Variants in WSB1 observed in about 807,000 individuals in gnomAD.
The protein encoded by WSB1 is WD repeat and SOCS box containing 1.
WSB1 carries 23 observed loss-of-function variants against 50.2 expected under a neutral mutation model. That is an observed-to-expected ratio of 0.46 (90% confidence interval 0.33 to 0.65). WSB1 has a LOEUF of 0.65. WSB1 is among the 30% of genes least tolerant of loss of function. WSB1 has a pLI of 0.02. For missense variants in WSB1, 492 were observed against 522.3 expected (o/e 0.94, Z 0.56); for synonymous variants, 179 against 172.0 (o/e 1.04, Z -0.32).
intron 1 of WSB1, among the ~76,000 whole-genome samples, chr17:27,301,457 C>T (rs563212435): frequency 2.6e-4 from 40 of 152,174 alleles, no homozygotes; most frequent in Middle Eastern, 3.4e-3. Flanking sequence ...TTGATGAGAA[C>T]GTAATACAAT....
chr17:27,300,702 T>C (rs1183095655), intron 1 of WSB1, among the ~76,000 whole-genome samples: 3 of 151,720 alleles, frequency 2.0e-5, no homozygotes. Flanking sequence ...TTTTGTTTTT[T>C]TTTTTTTATG....
rs1275576722 is a variant in WSB1, at chr17:27,303,307, T to A, written c.210-60T>A. 1.8e-5 allele frequency: 27 copies of A among 1,524,460 alleles called. No individual in the cohort carries two copies. The South Asian group carries it at 3.4e-4, about 19-fold the overall frequency. The allele number at this position is 1,524,460 out of a possible 1,614,324, so 94.4% of individuals were successfully genotyped here. A position where few individuals can be genotyped will look rare whatever the true frequency, so the allele number is the denominator to read the frequency against. Reference sequence around the variant, plus strand: ...TTAACAAACACTTGTAATTATTCAATGTCCAGAGGAGTCCAGAGTGAATAA... The same window carrying A: ...TTAACAAACACTTGTAATTATTCAAAGTCCAGAGGAGTCCAGAGTGAATAA... On this transcript the variant is annotated intron_variant, in intron 2 of 8. Coordinates refer to ENST00000262394, the MANE Select transcript of WSB1 (RefSeq NM_015626.10).
rs10660665 is a variant in WSB1 at position 27,304,535 on chromosome 17, C to CAAAAAAAAAAAAAA, written c.479-229_479-216dup. On this transcript the variant is annotated intron_variant, in intron 3 of 8. Transcript: ENST00000262394. ...GCAACATAGTGAGACTCCATCTCTC[C>CAAAAAAAAAAAAAA]AAAAAAAAAAAAAAAAAAAAAAAAA... is the stretch of plus-strand genomic sequence containing the variant. 1.3e-3 allele frequency among the ~76,000 whole-genome samples: 52 copies of CAAAAAAAAAAAAAA among 38,696 alleles called. 9 individuals are homozygous for CAAAAAAAAAAAAAA. Among genetic ancestry groups the CAAAAAAAAAAAAAA allele is most frequent in the African/African-American group, 4.7e-3 (42 of 8,970 alleles). The allele number at this position is 38,696 out of a possible 152,430, so 25.4% of individuals were successfully genotyped here.
intron 1 of WSB1, 79 bp downstream of exon 1, chr17:27,294,514 G>GAC: frequency 6.3e-7 from 1 of 1,581,406 alleles, no homozygotes; most frequent in Non-Finnish European, 8.6e-7. Context: ...GGGAGGAAGC[G>GAC]ACTCCAAGTC....
At chr17:27,305,047 G>A (rs2017392330) in intron 4 of WSB1, 136 bp downstream of exon 4, 6 of 1,098,066 alleles carry the variant, frequency 5.5e-6, no homozygotes, top group Non-Finnish European at 7.8e-6. Flanking sequence ...TAACACTTAG[G>A]TTCCTTTCCT....
chr17:27,311,483 TACTA>T, intron 7 of WSB1, 22 bp from the exon 8 acceptor site: 1 of 1,563,180 alleles, frequency 6.4e-7, no homozygotes, highest in Non-Finnish European at 8.6e-7. Flanking sequence ...TTCTACAAGA[TACTA>T]AATAATTTAT....
At chr17:27,308,189 A>G (rs962264547) in intron 5 of WSB1, 8 of 986,604 alleles carry the variant, frequency 8.1e-6, no homozygotes, top group Non-Finnish European at 9.6e-6. Flanking sequence ...TTTAGAAATA[A>G]TGTATTGTGT....
intron 3 of WSB1, 154 bp downstream of exon 3, chr17:27,303,789 C>T: frequency 1.1e-6 from 1 of 874,112 alleles, no homozygotes; most frequent in Non-Finnish European, 1.7e-6. Flanking sequence ...ATGTCACCTT[C>T]TTCAGCTCAT....
At chr17:27,305,629 G>A (rs1162754818) in intron 4 of WSB1, among the ~76,000 whole-genome samples, 1 of 152,096 alleles carries the variant, frequency 6.6e-6, no homozygotes, top group Non-Finnish European at 1.5e-5. Flanking sequence ...CTTGCCTAGG[G>A]GTAATAAAGC....
At chr17:27,303,199 C>T (rs548881506) in intron 2 of WSB1, 168 bp from the exon 3 acceptor site, 40 of 693,960 alleles carry the variant, frequency 5.8e-5, no homozygotes, top group African/African-American at 5.1e-4. Context: ...GTCCTTCTCT[C>T]GTAGTTCAAA....
At chr17:27,306,360 G>T (rs2017457399) in intron 4 of WSB1, among the ~76,000 whole-genome samples, 1 of 151,956 alleles carries the variant, frequency 6.6e-6, no homozygotes, top group South Asian at 2.1e-4. Flanking sequence ...TTACCGGCAT[G>T]CGCCACCATG....
chr17:27,297,991 G>C (rs1299868517), intron 1 of WSB1, among the ~76,000 whole-genome samples: 2 of 151,810 alleles, frequency 1.3e-5, no homozygotes, highest in Non-Finnish European at 2.9e-5. Flanking sequence ...CATCATGATG[G>C]TGCATACCTG....
chr17:27,312,113 C>G, intron 8 of WSB1, 97 bp from the exon 9 acceptor site: 1 of 1,473,494 alleles, frequency 6.8e-7, no homozygotes, highest in Non-Finnish European at 9.1e-7. Flanking sequence ...GTTTGTGACT[C>G]CACTACTCAC....
chr17:27,298,672 G>A (rs2017094704), intron 1 of WSB1, among the ~76,000 whole-genome samples: 1 of 152,082 alleles, frequency 6.6e-6, no homozygotes, highest in Non-Finnish European at 1.5e-5. Flanking sequence ...CCAACATGGT[G>A]AAACCCCGTC....
At chr17:27,303,232 T>C in intron 2 of WSB1, 135 bp from the exon 3 acceptor site, 1 of 985,876 alleles carries the variant, frequency 1.0e-6, no homozygotes, top group Non-Finnish European at 1.5e-6. Context: ...CCTTCCTATC[T>C]ATAGGATTCT....
Position 27,310,075 on chromosome 17 carries a change from C to T in WSB1, c.899C>T (p.Pro300Leu), listed in dbSNP as rs2017616157. Residue 300 changes from proline (P) to leucine (L), a missense_variant, in exon 7 of 9, where the codon CCA becomes CTA. Physicochemically the swap from Pro to Leu is moderately conservative, Grantham distance 98. Transcript: ENST00000262394. Reference protein sequence around the residue: ...ILMEFGHLFPPPTPIFAGGAN... With the variant: ...ILMEFGHLFPLPTPIFAGGAN... ...TTTGACCTCAGGCACCTGTTTCCCC[C>T]ACCTACTCCAATATTTGCTGGAGGA... 6.2e-7 allele frequency: 1 copy of T among 1,614,070 alleles called. No homozygotes were observed. The highest frequency in any genetic ancestry group is 8.5e-7 in the Non-Finnish European group (1 of 1,179,928).
intron 7 of WSB1, 75 bp from the exon 8 acceptor site, chr17:27,311,434 T>C: frequency 8.4e-7 from 1 of 1,196,948 alleles, no homozygotes; most frequent in South Asian, 1.5e-5. Flanking sequence ...CAATGGCATT[T>C]CTTTCTAAAT....
At chr17:27,306,946 T>TAG (rs2017488196) in intron 5 of WSB1, 64 bp downstream of exon 5, 3 of 1,484,212 alleles carry the variant, frequency 2.0e-6, no homozygotes, top group Non-Finnish European at 2.8e-6. Context: ...GCATAATCAT[T>TAG]TTAAATCTAA....
Position 27,312,418 on chromosome 17 carries a change from C to A in WSB1, c.*49C>A, listed in dbSNP as rs781394200. On this transcript the variant is annotated 3_prime_UTR_variant, in exon 9 of 9. Coordinates refer to ENST00000262394, the MANE Select transcript of WSB1 (RefSeq NM_015626.10). The stretch of plus-strand genomic sequence containing the variant: ...AGGGACTGACAGAATACACTTAACA[C>A]AAACCTCAAGCTTTACTGACTTCAA... 6.3e-7 allele frequency: 1 copy of A among 1,587,724 alleles called. No homozygotes were observed. Among genetic ancestry groups the A allele is most frequent in the Non-Finnish European group, 8.5e-7 (1 of 1,172,496 alleles).
Sources: allele counts gnomAD v4.1 joint callset (sites outside exome capture counted in the v4.1 genomes callset), GRCh38; gene constraint gnomAD v4.1.1; transcripts MANE v1.5; gene names NCBI Gene and HGNC (gene_info 2026-07-23, HGNC 2026-07-21).